Variants in LYPLAL1 observed in about 807,000 individuals in gnomAD.
The protein encoded by LYPLAL1 is lysophospholipase-like protein 1.
In LYPLAL1, 23 loss-of-function variants were observed where a neutral mutation model predicts 19.7. The ratio of observed to expected loss-of-function variants is 1.17; its 90% confidence interval spans 0.84 to 1.65. The LOEUF (loss-of-function observed/expected upper bound fraction) is 1.65, where lower values mean the gene tolerates loss of function less well. Ranked by LOEUF, LYPLAL1 falls within the 40% of genes most tolerant of loss-of-function variation. The probability of loss-of-function intolerance (pLI) is 0.00; values close to 1 mark genes in which losing one functional copy is unlikely to be tolerated. For synonymous variants in LYPLAL1, 119 were observed against 96.3 expected, an observed-to-expected ratio of 1.24 and a Z score of -1.38; for missense variants, 355 against 279.4, an observed-to-expected ratio of 1.27 and a Z score of -1.93.
At chr1:219,288,392 A>G in the LYPLAL1 span, among the ~76,000 whole-genome samples, 2 of 152,142 alleles carry the variant, frequency 1.3e-5, no homozygotes, top group Non-Finnish European at 2.9e-5. Flanking sequence ...ATGTACTCCA[A>G]ATATATGACA....
At chr1:219,405,829 A>G in the LYPLAL1 span, among the ~76,000 whole-genome samples, 1 of 152,138 alleles carries the variant, frequency 6.6e-6, no homozygotes, top group Non-Finnish European at 1.5e-5. Context: ...GCCTGCCCTG[A>G]TTGCTTCCTC....
At chr1:219,337,228 C>A in the LYPLAL1 span, among the ~76,000 whole-genome samples, 1 of 151,902 alleles carries the variant, frequency 6.6e-6, no homozygotes, top group African/African-American at 2.4e-5. Context: ...TATACAAAAT[C>A]CCTTTTACAT....
At chr1:219,266,985 A>G in the LYPLAL1 span, among the ~76,000 whole-genome samples, 79 of 152,294 alleles carry the variant, frequency 5.2e-4, no homozygotes, top group African/African-American at 1.8e-3. Flanking sequence ...TGTGTCAGAG[A>G]AAGATCACAG....
downstream of LYPLAL1, among the ~76,000 whole-genome samples, chr1:219,217,411 A>T (rs11118240): frequency 0.78 from 108,994 of 139,476 alleles, 40,500 homozygotes; most frequent in East Asian, 0.92. Flanking sequence ...TGTGTGTGAG[A>T]GATGGTTGTA....
the LYPLAL1 span, chr1:219,272,994 T>C: frequency 1.3e-5 from 2 of 152,086 alleles, no homozygotes; most frequent in African/African-American, 4.8e-5. Flanking sequence ...CCCTATAAAT[T>C]AGATTTAGCA....
At chr1:219,327,190 C>G in the LYPLAL1 span, among the ~76,000 whole-genome samples, 1 of 152,166 alleles carries the variant, frequency 6.6e-6, no homozygotes, top group Non-Finnish European at 1.5e-5. Context: ...CATTAGCCAG[C>G]CTTGACTTCA....
the LYPLAL1 span, among the ~76,000 whole-genome samples, chr1:219,407,665 G>A: frequency 1.3e-5 from 2 of 152,138 alleles, no homozygotes; most frequent in African/African-American, 4.8e-5. Context: ...TTCATCTTTG[G>A]AGCTGACTTC....
At chr1:219,238,823 G>T in the LYPLAL1 span, among the ~76,000 whole-genome samples, 2 of 152,128 alleles carry the variant, frequency 1.3e-5, no homozygotes, top group South Asian at 4.2e-4. Flanking sequence ...CAAGATAATT[G>T]GACTGTGAAG....
At chr1:219,329,689 C>T in the LYPLAL1 span, among the ~76,000 whole-genome samples, 1 of 152,112 alleles carries the variant, frequency 6.6e-6, no homozygotes, top group Non-Finnish European at 1.5e-5. Context: ...TTTTCTCCAA[C>T]CAACTCTGAC....
the LYPLAL1 span, among the ~76,000 whole-genome samples, chr1:219,351,691 T>C: frequency 1.3e-5 from 2 of 152,228 alleles, no homozygotes; most frequent in East Asian, 3.8e-4. Context: ...TCTATTTTAT[T>C]CCCAAAGTTA....
the LYPLAL1 span, among the ~76,000 whole-genome samples, chr1:219,439,938 G>T: frequency 7.1e-6 from 1 of 141,538 alleles, no homozygotes; most frequent in African/African-American, 2.8e-5. Flanking sequence ...TATTTTAATT[G>T]TCTTAAGAAG....
chr1:219,259,735 A>G, the LYPLAL1 span, among the ~76,000 whole-genome samples: 1 of 151,578 alleles, frequency 6.6e-6, no homozygotes, highest in Non-Finnish European at 1.5e-5. Context: ...AGAAATCATC[A>G]CTAAAGAACC....
chr1:219,360,342 C>G, the LYPLAL1 span, among the ~76,000 whole-genome samples: 285 of 152,252 alleles, frequency 1.9e-3, 1 homozygote, highest in African/African-American at 6.1e-3. Context: ...ATGAGACCAT[C>G]TCTTCTTGGA....
the LYPLAL1 span, among the ~76,000 whole-genome samples, chr1:219,440,014 C>CACACATATATATATATATAT: frequency 2.3e-3 from 168 of 74,078 alleles, no homozygotes; most frequent in Non-Finnish European, 3.2e-3. Context: ...TATATATATA[C>CACACATATATATATATATAT]ACACACACAC....
the LYPLAL1 span, among the ~76,000 whole-genome samples, chr1:219,356,325 C>A: frequency 6.6e-6 from 1 of 152,080 alleles, no homozygotes; most frequent in Non-Finnish European, 1.5e-5. Flanking sequence ...CAAGATGAAA[C>A]CCTGTCTCTA....
intron 2 of LYPLAL1, among the ~76,000 whole-genome samples, chr1:219,183,048 G>C (rs1008417281): frequency 3.9e-5 from 6 of 152,194 alleles, no homozygotes; most frequent in African/African-American, 1.4e-4. Flanking sequence ...ACAATTGACA[G>C]CCTCACCAGC....
At chr1:219,426,563 A>G in the LYPLAL1 span, among the ~76,000 whole-genome samples, 3 of 152,066 alleles carry the variant, frequency 2.0e-5, no homozygotes, top group African/African-American at 7.2e-5. Context: ...CATATTTTAT[A>G]TCTCACATAA....
the LYPLAL1 span, among the ~76,000 whole-genome samples, chr1:219,334,315 T>A: frequency 2.0e-5 from 3 of 152,078 alleles, no homozygotes; most frequent in African/African-American, 7.2e-5. Flanking sequence ...CAGTCTCATC[T>A]CCCACTGCAA....
chr1:219,370,212 T>A, the LYPLAL1 span, among the ~76,000 whole-genome samples: 1 of 152,120 alleles, frequency 6.6e-6, no homozygotes, highest in Non-Finnish European at 1.5e-5. Flanking sequence ...AGAAACTGAT[T>A]CTCCGATCTG....
Sources: gnomAD v4.1 joint callset for allele counts (sites outside exome capture counted in the v4.1 genomes callset) on GRCh38, gnomAD v4.1.1 for gene constraint, MANE v1.5 for transcripts, NCBI Gene and HGNC (gene_info 2026-07-23, HGNC 2026-07-21) for gene names.